Variants in ADCY7 observed in about 807,000 individuals in gnomAD.
The protein encoded by ADCY7 is adenylate cyclase 7.
ADCY7 carries 72 observed loss-of-function variants against 120.6 expected under a neutral mutation model. The ratio of observed to expected loss-of-function variants is 0.60; its 90% confidence interval spans 0.49 to 0.73. The LOEUF (loss-of-function observed/expected upper bound fraction) is 0.73, where lower values mean the gene tolerates loss of function less well. ADCY7 is among the 30% of genes least tolerant of loss of function. The pLI is 0.00. For missense variants in ADCY7, 1,227 were observed against 1,486.0 expected (o/e 0.83, Z 2.87); for synonymous variants, 661 against 628.0 (o/e 1.05, Z -0.78).
At chr16:50,280,015 A>G (rs914956281) in intron 1 of ADCY7, among the ~76,000 whole-genome samples, 1 of 152,230 alleles carries the variant, frequency 6.6e-6, no homozygotes, top group East Asian at 1.9e-4. Context: ...TTCTGTGGGA[A>G]TGGTACTAGC....
chr16:50,265,395 C>A (rs1482441109), upstream of ADCY7, among the ~76,000 whole-genome samples: 2 of 152,184 alleles, frequency 1.3e-5, no homozygotes, highest in African/African-American at 4.8e-5. Flanking sequence ...CTGTCTCCAC[C>A]AGATGGCAGA....
chr16:50,314,914 C>T (rs2036717591), intron 24 of ADCY7, 100 bp from the exon 25 acceptor site: 1 of 1,507,668 alleles, frequency 6.6e-7, no homozygotes, highest in East Asian at 2.3e-5. Flanking sequence ...TTGTTTTGTC[C>T]CCGCATCCTG....
At position 50,293,275 on chromosome 16, in the gene ADCY7, G is replaced by T. The variant is rs1387099168; in HGVS notation, c.688-79G>T. On this transcript the variant is annotated intron_variant, in intron 5 of 25. Coordinates refer to ENST00000673801, the MANE Select transcript of ADCY7 (RefSeq NM_001114.5). ...AAGGAGGCCAGGTCTGGGACCTGAT[G>T]CTACCCTGCCTGTCCCCCGCTGGTC... 3 of 1,532,032 alleles carry T rather than the reference G, an allele frequency of 2.0e-6. No individual in the cohort carries two copies. In the African/African-American group the frequency reaches 4.1e-5, roughly 21 times the overall value. The allele number at this position is 1,532,032 out of a possible 1,614,324, so 94.9% of individuals were successfully genotyped here.
At chr16:50,303,583 G>T (rs540972510) in intron 10 of ADCY7, among the ~76,000 whole-genome samples, 1 of 152,020 alleles carries the variant, frequency 6.6e-6, no homozygotes, top group African/African-American at 2.4e-5. Context: ...ACTGGCGAAG[G>T]CCTCAGGCAT....
chr16:50,305,710 C>T lies in ADCY7; in HGVS notation c.1680-67C>T. Reference sequence around the variant, plus strand: ...CAGCCTTGTTCCTTCCCCCTGCCTGCTGCCACCTCCTGAGGGAATGGACCC... The same window carrying T: ...CAGCCTTGTTCCTTCCCCCTGCCTGTTGCCACCTCCTGAGGGAATGGACCC... On this transcript the variant is annotated intron_variant, in intron 13 of 25. Coordinates refer to ENST00000673801, the MANE Select transcript of ADCY7 (RefSeq NM_001114.5). The T allele has an allele frequency of 8.6e-6, 13 of 1,505,680 alleles. No individual in the cohort carries two copies. The South Asian group carries it at 1.2e-4, about 14-fold the overall frequency. 93.3% of individuals were successfully genotyped at this position (1,505,680 alleles called of 1,614,324 possible).
In ADCY7 at chr16:50,305,584, G is replaced by A. The variant is rs779876523; in HGVS notation, c.1677G>A (p.Thr559=). The A allele has an allele frequency of 1.9e-6, 3 of 1,598,386 alleles. No individual in the cohort carries two copies. The highest frequency in any genetic ancestry group is 1.3e-5 in the African/African-American group (1 of 74,736). Residue 559 remains threonine, a splice_region_variant and synonymous_variant, in exon 13 of 26, where the codon ACG becomes ACA. Coordinates refer to ENST00000673801, the MANE Select transcript of ADCY7 (RefSeq NM_001114.5). ...CAGCCATTGAGGGGCTCAGCTCCACGAGGTGAGGTCTGAGACCTCTGTCCA... is the reference window on the plus strand; with the variant it reads ...CAGCCATTGAGGGGCTCAGCTCCACAAGGTGAGGTCTGAGACCTCTGTCCA... ...MLSAIEGLSS[T]RPCCSKSDDF...
At chr16:50,299,752 C>T (rs2035593855) in intron 8 of ADCY7, among the ~76,000 whole-genome samples, 2 of 152,230 alleles carry the variant, frequency 1.3e-5, no homozygotes, top group South Asian at 4.1e-4. Context: ...GGCCCCTGCC[C>T]TGTAACAGGC....
At chr16:50,272,785 C>T (rs1236280906) in intron 1 of ADCY7, among the ~76,000 whole-genome samples, 1 of 152,116 alleles carries the variant, frequency 6.6e-6, no homozygotes, top group Non-Finnish European at 1.5e-5. Context: ...TGTGTGTGTG[C>T]GCATCTGGCT....
At chr16:50,255,363 C>T (rs1257152410) in intron 1 of ADCY7, among the ~76,000 whole-genome samples, 1 of 120,960 alleles carries the variant, frequency 8.3e-6, no homozygotes, top group Admixed American at 1.1e-4. Context: ...GGATTACAGG[C>T]ATGAGCTACC....
chr16:50,270,176 C>CAGATAGATAGATAGAT (rs35858506), intron 1 of ADCY7, among the ~76,000 whole-genome samples: 2,585 of 141,278 alleles, frequency 0.018, 42 homozygotes, highest in Non-Finnish European at 0.022. Flanking sequence ...GACCCTGTCT[C>CAGATAGATAGATAGAT]AGATAGATAG....
intron 1 of ADCY7, among the ~76,000 whole-genome samples, chr16:50,257,244 C>T (rs2032941850): frequency 6.9e-6 from 1 of 144,056 alleles, no homozygotes; most frequent in African/African-American, 2.6e-5. Context: ...CCACCACCAA[C>T]AAAAAAATCC....
intron 1 of ADCY7, among the ~76,000 whole-genome samples, chr16:50,252,346 C>A (rs939163247): frequency 1.3e-5 from 2 of 152,146 alleles, no homozygotes; most frequent in African/African-American, 2.4e-5. Context: ...GCCACTGGTC[C>A]CCCGCCAGCC....
At chr16:50,298,682 G>T (rs925563842) in intron 7 of ADCY7, among the ~76,000 whole-genome samples, 1 of 152,196 alleles carries the variant, frequency 6.6e-6, no homozygotes, top group East Asian at 1.9e-4. Context: ...AGGAACACTC[G>T]TGTTCACCTC....
intron 5 of ADCY7, among the ~76,000 whole-genome samples, 187 bp downstream of exon 5, chr16:50,293,012 C>T (rs2035094329): frequency 6.6e-6 from 1 of 152,168 alleles, no homozygotes; most frequent in East Asian, 1.9e-4. Context: ...CTGCCTTCCT[C>T]TGTGTGGTTT....
In ADCY7 at chr16:50,317,124, G is replaced by T. The variant is rs781324678; in HGVS notation, c.*1619G>T. ...CTGTGTCGTGTGGCTTTATCAGCCC[G>T]AGGAAGGGCAGGTGTATTCTAATTT... On this transcript the variant is annotated 3_prime_UTR_variant, in exon 26 of 26. Coordinates refer to ENST00000673801, the MANE Select transcript of ADCY7 (RefSeq NM_001114.5). 1 of 152,814 alleles carries T rather than the reference G, an allele frequency of 6.5e-6. No individual in the cohort carries two copies. 9.5% of individuals were successfully genotyped at this position (152,814 alleles called of 1,614,324 possible). A position where few individuals can be genotyped will look rare whatever the true frequency, so the allele number is the denominator to read the frequency against.
chr16:50,311,914 C>G lies in ADCY7; in HGVS notation c.2449-122C>G, dbSNP rs996302591. The G allele has an allele frequency of 2.7e-6, 4 of 1,487,618 alleles. No individual in the cohort carries two copies. In the East Asian group the frequency reaches 9.2e-5, roughly 34 times the overall value. 92.2% of individuals were successfully genotyped at this position (1,487,618 alleles called of 1,614,324 possible). A position where few individuals can be genotyped will look rare whatever the true frequency, so the allele number is the denominator to read the frequency against. ...AAAGACTAGAGTCCTGCCAGGAAAG[C>G]ACTGGTCCCCTGGCCAGAGGCTCCA... On this transcript the variant is annotated intron_variant, in intron 20 of 25. Coordinates refer to ENST00000673801, the MANE Select transcript of ADCY7 (RefSeq NM_001114.5).
In ADCY7 at chr16:50,316,876, A is replaced by G. The variant is rs1815453361; in HGVS notation, c.*1371A>G. 6.6e-6 allele frequency: 1 copy of G among 152,352 alleles called. No homozygotes were observed. The highest frequency in any genetic ancestry group is 1.5e-5 in the Non-Finnish European group (1 of 68,034). The allele number at this position is 152,352 out of a possible 1,614,324, so 9.4% of individuals were successfully genotyped here. A position where few individuals can be genotyped will look rare whatever the true frequency, so the allele number is the denominator to read the frequency against. On this transcript the variant is annotated 3_prime_UTR_variant, in exon 26 of 26. Transcript: ENST00000673801. The stretch of plus-strand genomic sequence containing the variant: ...TTTCTAATGCACTCAGTTTCCCTAC[A>G]TAGCAGGGATTCTTAGCTAGGTGTC...
At chr16:50,309,507 G>A (rs531152327) in intron 17 of ADCY7, 41 bp from the exon 18 acceptor site, 26 of 1,572,510 alleles carry the variant, frequency 1.7e-5, no homozygotes, top group South Asian at 6.7e-5. Flanking sequence ...AGGTTCCAGC[G>A]TTCTTGTCCC....
In ADCY7 at chr16:50,290,598, G is replaced by A; in HGVS notation, c.313G>A (p.Val105Met). The A allele has an allele frequency of 6.2e-7, 1 of 1,614,182 alleles. No individual in the cohort carries two copies. Among genetic ancestry groups the A allele is most frequent in the South Asian group, 1.1e-5 (1 of 91,078 alleles). ...GGCGCTGCTCACCTGGGCCTGCTTG[G>A]TGGCGCTGGGCTATGTGCTGGTGTT... ...ALALLTWACLVALGYVLVFDA... is the reference protein window; with the variant it reads ...ALALLTWACLMALGYVLVFDA... The change falls in exon 3 of 26, where the codon GTG becomes ATG. Residue 105 changes from valine (V) to methionine (M), a missense_variant. Physicochemically the swap from Val to Met is conservative, Grantham distance 21. Transcript: ENST00000673801.
Sources: gnomAD v4.1 joint callset for allele counts (sites outside exome capture counted in the v4.1 genomes callset) on GRCh38, gnomAD v4.1.1 for gene constraint, MANE v1.5 for transcripts, NCBI Gene and HGNC (gene_info 2026-07-23, HGNC 2026-07-21) for gene names.